BATF2: variants seen among roughly 807,000 people sequenced by gnomAD.
The protein encoded by BATF2 is basic leucine zipper ATF-like transcription factor 2, also known as basic leucine zipper transcriptional factor ATF-like 2.
BATF2 carries 4 observed loss-of-function variants against 7.3 expected under a neutral mutation model. The ratio of observed to expected loss-of-function variants is 0.55; its 90% CI spans 0.27 to 1.26. The LOEUF is 1.26. Among genes scored for constraint, BATF2 ranks in the 50% most tolerant of loss-of-function variants. BATF2 has a pLI of 0.11. For synonymous variants in BATF2, 152 were observed against 153.9 expected, an observed-to-expected ratio of 0.99 and a Z score of 0.09; for missense variants, 295 against 340.5, an observed-to-expected ratio of 0.87 and a Z score of 1.05.
At position 64,989,081 on chromosome 11, in the gene BATF2, C is replaced by T. The variant is rs1332094399; in HGVS notation, c.*48G>A. ...GGGAGGAGAGGCCCGTGTGCTAAGG[C>T]TGCTTCCTGAGCCCAAAGAAGGGGC... On this transcript the variant is annotated 3_prime_UTR_variant, in exon 3 of 3. Transcript: ENST00000301887. This position sits in a 1 kb window ranked among gnomAD's most constrained non-coding sequence, Gnocchi z 4.3. The T allele has an allele frequency of 1.3e-6, 2 of 1,596,180 alleles. No individual in the cohort carries two copies. Among genetic ancestry groups the T allele is most frequent in the East Asian group, 2.2e-5 (1 of 44,764 alleles).
chr11:64,991,854 G>A (rs190503610), intron 2 of BATF2, among the ~76,000 whole-genome samples: 13 of 152,298 alleles, frequency 8.5e-5, no homozygotes, highest in Admixed American at 5.9e-4. Context: ...AAACGGATGC[G>A]TGGGTCTCCT....
Position 64,994,492 on chromosome 11 carries a change from G to T in BATF2, c.97C>A (p.Arg33=), listed in dbSNP as rs112176000. ...KKQKNRAAAQ[R]SRQKHTDKAD... ...TTGTCTGTGTGCTTCTGCCGGCTTC[G>T]CTGGGCGGCTGCCCGGTTCTTCTGC... Residue 33 remains arginine, a synonymous_variant, in exon 2 of 3, where the codon CGA becomes AGA. Coordinates refer to ENST00000301887, the MANE Select transcript of BATF2 (RefSeq NM_138456.4). 10 of 1,602,832 alleles carry T rather than the reference G, an allele frequency of 6.2e-6. No homozygotes were observed. Among genetic ancestry groups the T allele is most frequent in the African/African-American group, 5.3e-5 (4 of 74,872 alleles).
rs1256523206 is a variant in BATF2, at chr11:64,989,529, G to A, written c.425C>T (p.Pro142Leu). 1.9e-6 allele frequency: 3 copies of A among 1,595,434 alleles called. No individual in the cohort carries two copies. The highest frequency in any genetic ancestry group is 2.6e-6 in the Non-Finnish European group (3 of 1,171,080). Reference sequence around the variant, plus strand: ...CTGGAGGAGGCTGGGAGAATCATGAGGCTGTGGACCTGGAGAGAGCGGCTG... The same window carrying A: ...CTGGAGGAGGCTGGGAGAATCATGAAGCTGTGGACCTGGAGAGAGCGGCTG... ...PAQPLSPGPQ[P>L]HDSPSLLQCP... Residue 142 changes from proline to leucine, a missense_variant, in exon 3 of 3, where the codon CCT becomes CTT. By Grantham distance (98) the Pro-to-Leu change is moderately conservative. Coordinates refer to ENST00000301887, the MANE Select transcript of BATF2 (RefSeq NM_138456.4). This position sits in a 1 kb window ranked among gnomAD's most constrained non-coding sequence, Gnocchi z 4.3.
chr11:64,990,449 GC>G, intron 2 of BATF2: 1 of 1,295,178 alleles, frequency 7.7e-7, no homozygotes, highest in Non-Finnish European at 9.9e-7. Flanking sequence ...CCTTTTGAGG[GC>G]CCAGAACTCG....
intron 1 of BATF2, among the ~76,000 whole-genome samples, chr11:64,996,153 G>A (rs1324835169): frequency 1.3e-5 from 2 of 151,850 alleles, no homozygotes; most frequent in African/African-American, 4.8e-5. Context: ...TAGAGACGGG[G>A]TTTCACCATG....
chr11:64,991,154 T>TG (rs1946074115), intron 2 of BATF2, among the ~76,000 whole-genome samples: 2 of 85,484 alleles, frequency 2.3e-5, no homozygotes, highest in African/African-American at 1.1e-4. Flanking sequence ...GAATGATGAA[T>TG]TTTTTTTTTT....
chr11:64,990,399 C>A (rs1271612498), intron 2 of BATF2: 17 of 1,401,826 alleles, frequency 1.2e-5, no homozygotes, highest in South Asian at 1.5e-5. Context: ...CCCGTGGCAA[C>A]CTTGATGTCA....
At chr11:64,990,460 G>T in intron 2 of BATF2, 1 of 1,272,588 alleles carries the variant, frequency 7.9e-7, no homozygotes, top group Non-Finnish European at 1.0e-6. Context: ...CCCAGAACTC[G>T]CCCCTACGAG....
intron 2 of BATF2, among the ~76,000 whole-genome samples, chr11:64,992,012 C>T (rs1420452665): frequency 6.6e-6 from 1 of 152,094 alleles, no homozygotes; most frequent in Admixed American, 6.6e-5. Context: ...TAAGCTCAGG[C>T]TTCATCGCCT....
At position 64,989,623 on chromosome 11, in the gene BATF2, G is replaced by A. The variant is rs1209921978; in HGVS notation, c.331C>T (p.Pro111Ser). The change falls in exon 3 of 3, where the codon CCA becomes TCA. Residue 111 changes from proline (P) to serine (S), a missense_variant. Coordinates refer to ENST00000301887, the MANE Select transcript of BATF2 (RefSeq NM_138456.4). This position sits in a 1 kb window ranked among gnomAD's most constrained non-coding sequence, Gnocchi z 4.3. ...TCCCGGCAGCCATGTTGTCCCTGTGGGCCAGGGCCCAGGAGCCCCTCAGCC... is the reference window on the plus strand; with the variant it reads ...TCCCGGCAGCCATGTTGTCCCTGTGAGCCAGGGCCCAGGAGCCCCTCAGCC... ...DQAEGLLGPGPQGQHGCREQL... is the reference protein window; with the variant it reads ...DQAEGLLGPGSQGQHGCREQL... 1.2e-6 allele frequency: 2 copies of A among 1,610,908 alleles called. No homozygotes were observed. Among genetic ancestry groups the A allele is most frequent in the East Asian group, 2.2e-5 (1 of 44,802 alleles).
At position 64,996,961 on chromosome 11, in the gene BATF2, C is replaced by T. The variant is rs1364217343; in HGVS notation, c.-47G>A. The T allele has an allele frequency of 6.5e-7, 1 of 1,532,242 alleles. No homozygotes were observed. Among genetic ancestry groups the T allele is most frequent in the South Asian group, 1.2e-5 (1 of 80,282 alleles). The allele number at this position is 1,532,242 out of a possible 1,614,324, so 94.9% of individuals were successfully genotyped here. Reference sequence around the variant, plus strand: ...TGGTCCCTCAGCAGCTGTGACTTCCCAGTGCCCTCTGGAGGCCTAAGGAAG... The same window carrying T: ...TGGTCCCTCAGCAGCTGTGACTTCCTAGTGCCCTCTGGAGGCCTAAGGAAG... On this transcript the variant is annotated 5_prime_UTR_variant, in exon 1 of 3. Coordinates refer to ENST00000301887, the MANE Select transcript of BATF2 (RefSeq NM_138456.4).
At position 64,989,914 on chromosome 11, in the gene BATF2, G is replaced by T; in HGVS notation, c.142-102C>A. 6.8e-7 allele frequency: 1 copy of T among 1,461,368 alleles called. No individual in the cohort carries two copies. The highest frequency in any genetic ancestry group is 9.4e-7 in the Non-Finnish European group (1 of 1,067,652). The allele number at this position is 1,461,368 out of a possible 1,614,324, so 90.5% of individuals were successfully genotyped here. Reference sequence around the variant, plus strand: ...GGGTCCTCAACTTCAGGAGAAAGATGCCACCACCATTGGAATAGCCAAGTG... The same window carrying T: ...GGGTCCTCAACTTCAGGAGAAAGATTCCACCACCATTGGAATAGCCAAGTG... On this transcript the variant is annotated intron_variant, in intron 2 of 2. Coordinates refer to ENST00000301887, the MANE Select transcript of BATF2 (RefSeq NM_138456.4). This position sits in a 1 kb window ranked among gnomAD's most constrained non-coding sequence, Gnocchi z 4.3.
At chr11:64,993,272 A>G (rs938212082) in intron 2 of BATF2, among the ~76,000 whole-genome samples, 1 of 152,182 alleles carries the variant, frequency 6.6e-6, no homozygotes, top group African/African-American at 2.4e-5. Flanking sequence ...AGGCAGGAGG[A>G]TCACTTGAAC....
In BATF2 at chr11:64,988,731, C is replaced by T. The variant is rs1201462497; in HGVS notation, c.*398G>A. ...CCTTCTCTGCTCTGAGCATGCAAAC[C>T]TTCTCACACCAGCCCACGGTTTCCA... On this transcript the variant is annotated 3_prime_UTR_variant, in exon 3 of 3. Coordinates refer to ENST00000301887, the MANE Select transcript of BATF2 (RefSeq NM_138456.4). 8.1e-6 allele frequency: 2 copies of T among 248,084 alleles called. No individual in the cohort carries two copies. Among genetic ancestry groups the T allele is most frequent in the African/African-American group, 4.5e-5 (2 of 43,988 alleles). 15.4% of individuals were successfully genotyped at this position (248,084 alleles called of 1,614,324 possible). A position where few individuals can be genotyped will look rare whatever the true frequency, so the allele number is the denominator to read the frequency against.
In BATF2 at chr11:64,989,956, C is replaced by T. The variant is rs1565165845; in HGVS notation, c.142-144G>A. ...AGCCAAGTGGGGTCTCTTGGCCACTCTCTGGCCAGCCCTTCATAACCACCT... is the reference window on the plus strand; with the variant it reads ...AGCCAAGTGGGGTCTCTTGGCCACTTTCTGGCCAGCCCTTCATAACCACCT... On this transcript the variant is annotated intron_variant, in intron 2 of 2. Transcript: ENST00000301887. The surrounding 1 kb of genome is among the most constrained non-coding windows in gnomAD (Gnocchi z 4.3). 1 of 1,449,796 alleles carries T rather than the reference C, an allele frequency of 6.9e-7. No homozygotes were observed. The allele number at this position is 1,449,796 out of a possible 1,614,324, so 89.8% of individuals were successfully genotyped here. A position where few individuals can be genotyped will look rare whatever the true frequency, so the allele number is the denominator to read the frequency against.
At chr11:64,990,242 A>G in intron 2 of BATF2, 1 of 1,532,464 alleles carries the variant, frequency 6.5e-7, no homozygotes, top group Admixed American at 2.0e-5. Context: ...TGCAGCTCAG[A>G]CCTCCGGTCT....
At chr11:64,996,457 A>C (rs1290324467) in intron 1 of BATF2, among the ~76,000 whole-genome samples, 1 of 152,108 alleles carries the variant, frequency 6.6e-6, no homozygotes, top group African/African-American at 2.4e-5. Context: ...GGGTTTCGCC[A>C]TGTTGGCCAG....
At position 64,989,215 on chromosome 11, in the gene BATF2, C is replaced by G; in HGVS notation, c.739G>C (p.Ala247Pro). The change falls in exon 3 of 3, where the codon GCC becomes CCC. Residue 247 changes from alanine to proline, a missense_variant. Coordinates refer to ENST00000301887, the MANE Select transcript of BATF2 (RefSeq NM_138456.4). This position sits in a 1 kb window ranked among gnomAD's most constrained non-coding sequence, Gnocchi z 4.3. Reference protein sequence around the residue: ...SREHKPALSAATWQGLVVDPS... With the variant: ...SREHKPALSAPTWQGLVVDPS... Reference sequence around the variant, plus strand: ...TCCACAACCAGCCCTTGCCAAGTGGCTGCTGAGAGAGCAGGTTTGTGCTCC... The same window carrying G: ...TCCACAACCAGCCCTTGCCAAGTGGGTGCTGAGAGAGCAGGTTTGTGCTCC... The G allele has an allele frequency of 6.2e-7, 1 of 1,614,084 alleles. No individual in the cohort carries two copies. The highest frequency in any genetic ancestry group is 1.1e-5 in the South Asian group (1 of 91,080).
intron 2 of BATF2, 55 bp downstream of exon 2, chr11:64,994,393 G>A: frequency 6.7e-7 from 1 of 1,502,800 alleles, no homozygotes; most frequent in Non-Finnish European, 9.1e-7. Context: ...AGAAGAGGTG[G>A]CTGGGCCAGT....
Sources: gnomAD v4.1 joint callset for allele counts (sites outside exome capture counted in the v4.1 genomes callset) on GRCh38, gnomAD v4.1.1 for gene constraint, Gnocchi (gnomAD v3.1) non-coding constraint, MANE v1.5 for transcripts, NCBI Gene and HGNC (gene_info 2026-07-23, HGNC 2026-07-21) for gene names.